The following SRGAP2 variants were observed in gnomAD, a reference collection of about 807,000 sequenced individuals.
SRGAP2 encodes SLIT-ROBO Rho GTPase activating protein 2.
In SRGAP2, 15 loss-of-function variants were observed where a neutral mutation model predicts 57.2. The ratio of observed to expected loss-of-function variants is 0.26; its 90% CI spans 0.18 to 0.40. The LOEUF (loss-of-function observed/expected upper bound fraction) is 0.40. SRGAP2 is among the 10% of genes least tolerant of loss of function. The pLI is 1.00. For synonymous variants in SRGAP2, 249 were observed against 248.0 expected (o/e 1.00, Z -0.04); for missense variants, 520 against 669.6 (o/e 0.78, Z 2.47).
intron 3 of SRGAP2, among the ~76,000 whole-genome samples, chr1:206,340,533 C>A (rs1675106589): frequency 6.6e-6 from 1 of 152,148 alleles, no homozygotes; most frequent in Admixed American, 6.5e-5. Flanking sequence ...CCCAATCCAT[C>A]TTCTCCCTTA....
At chr1:206,375,329 A>G (rs555957786) in intron 4 of SRGAP2, among the ~76,000 whole-genome samples, 1 of 151,274 alleles carries the variant, frequency 6.6e-6, no homozygotes, top group Non-Finnish European at 1.5e-5. Flanking sequence ...TACCATTTCT[A>G]CTCTGTGCTT....
At chr1:206,369,793 T>G (rs1480609546) in intron 4 of SRGAP2, among the ~76,000 whole-genome samples, 1 of 152,186 alleles carries the variant, frequency 6.6e-6, no homozygotes, top group African/African-American at 2.4e-5. Context: ...AGAACCCTCA[T>G]ACATTGCTGG....
chr1:206,285,324 G>A (rs1377103642), intron 2 of SRGAP2, among the ~76,000 whole-genome samples: 1 of 151,972 alleles, frequency 6.6e-6, no homozygotes, highest in Non-Finnish European at 1.5e-5. Context: ...TACTGAGCTT[G>A]TCGCCTACCT....
In SRGAP2 at chr1:206,309,713, C is replaced by T. The variant is rs544550135; in HGVS notation, c.260+6240C>T. 2.6e-5 allele frequency among the ~76,000 whole-genome samples: 4 copies of T among 151,574 alleles called. No homozygotes were observed. In the South Asian group the frequency reaches 8.3e-4, roughly 32 times the overall value. On this transcript the variant is annotated intron_variant, in intron 3 of 22. Transcript: ENST00000573034. ...TGAACGTTTTGGGTGTAGAGCAGTA[C>T]GAGGCCATCAGGTATCCAGGTGGAG...
At chr1:206,242,206 G>T (rs1368320679) in intron 2 of SRGAP2, among the ~76,000 whole-genome samples, 15 of 150,634 alleles carry the variant, frequency 1.0e-4, no homozygotes, top group African/African-American at 3.7e-4. Flanking sequence ...GGTGGTTTGG[G>T]TTTGTCCCCT....
intron 21 of SRGAP2, 93 bp downstream of exon 21, chr1:206,455,117 C>A (rs1663714805): frequency 1.3e-6 from 1 of 771,226 alleles, no homozygotes; most frequent in Non-Finnish European, 2.4e-6. Context: ...TCCTGTGCTG[C>A]ACGTAGGGCT....
intron 3 of SRGAP2, among the ~76,000 whole-genome samples, chr1:206,337,907 G>A (rs1338770387): frequency 4.6e-4 from 69 of 151,634 alleles, no homozygotes; most frequent in Admixed American, 1.4e-3. Context: ...GGATATTTTA[G>A]AGAAATCCCT....
chr1:206,442,419 C>T (rs1662386295), intron 17 of SRGAP2, among the ~76,000 whole-genome samples: 1 of 152,182 alleles, frequency 6.6e-6, no homozygotes, highest in South Asian at 2.1e-4. Flanking sequence ...TACCTGCCCT[C>T]AACATGAGCC....
At chr1:206,278,571 G>A (rs1467422003) in intron 2 of SRGAP2, among the ~76,000 whole-genome samples, 31 of 143,392 alleles carry the variant, frequency 2.2e-4, no homozygotes, top group Non-Finnish European at 3.9e-4. Context: ...TTGTTGCCCA[G>A]GCTGGTCTCA....
chr1:206,324,396 G>A (rs1188968003), intron 3 of SRGAP2, among the ~76,000 whole-genome samples: 33 of 152,208 alleles, frequency 2.2e-4, no homozygotes, highest in South Asian at 4.1e-4. Context: ...TTTTCTAGAC[G>A]TTTATACCCT....
intron 2 of SRGAP2, among the ~76,000 whole-genome samples, chr1:206,290,228 C>CGT (rs1571771451): frequency 6.6e-6 from 1 of 152,188 alleles, no homozygotes; most frequent in East Asian, 1.9e-4. Flanking sequence ...TGTGTGTGTG[C>CGT]ATGTGTGTTG....
chr1:206,281,025 C>T (rs1466032066), intron 2 of SRGAP2, among the ~76,000 whole-genome samples: 1 of 151,474 alleles, frequency 6.6e-6, no homozygotes, highest in Non-Finnish European at 1.5e-5. Flanking sequence ...GAAAGCACAA[C>T]TCATTTCCAT....
chr1:206,267,260 G>A (rs1438129102), intron 2 of SRGAP2, among the ~76,000 whole-genome samples: 5 of 152,174 alleles, frequency 3.3e-5, no homozygotes, highest in African/African-American at 9.7e-5. Context: ...GAGCCACCAC[G>A]CCCGGCCACT....
chr1:206,357,857 G>T (rs1484394540), intron 4 of SRGAP2, among the ~76,000 whole-genome samples: 1 of 143,644 alleles, frequency 7.0e-6, no homozygotes, highest in Non-Finnish European at 1.5e-5. Context: ...CAAAGTGCTG[G>T]GATTTCAGGC....
chr1:206,392,238 A>G (rs2103097908), intron 5 of SRGAP2, among the ~76,000 whole-genome samples: 1 of 125,404 alleles, frequency 8.0e-6, no homozygotes, highest in African/African-American at 3.0e-5. Flanking sequence ...CTGAAAGGTA[A>G]CAGAAAGCAT....
intron 3 of SRGAP2, chr1:206,333,297 C>G: frequency 8.3e-7 from 1 of 1,199,334 alleles, no homozygotes; most frequent in South Asian, 1.2e-5. Context: ...ATTCGGCCAT[C>G]TTGGCTCCTC....
intron 3 of SRGAP2, among the ~76,000 whole-genome samples, chr1:206,311,162 C>G (rs1379163649): frequency 6.6e-6 from 1 of 151,366 alleles, no homozygotes; most frequent in Non-Finnish European, 1.5e-5. Flanking sequence ...CATGGTTATG[C>G]TGAACTGCAA....
Position 206,454,175 on chromosome 1 carries a change from A to G in SRGAP2, c.2361-703A>G, listed in dbSNP as rs782331924. 11 of 702,488 alleles carry G rather than the reference A, an allele frequency of 1.6e-5. No individual in the cohort carries two copies. Among genetic ancestry groups the G allele is most frequent in the Non-Finnish European group, 2.3e-5 (9 of 384,972 alleles). The allele number at this position is 702,488 out of a possible 1,614,324, so 43.5% of individuals were successfully genotyped here. On this transcript the variant is annotated intron_variant, in intron 20 of 22. Coordinates refer to ENST00000573034, the MANE Select transcript of SRGAP2 (RefSeq NM_015326.5). This position sits in a 1 kb window ranked among gnomAD's most constrained non-coding sequence, Gnocchi z 4.3. ...ATCCTGAGTGAGTCTGCACCCTCCC[A>G]GCCTCTTCCCGGCTCGTTCTGCAGG... is the stretch of plus-strand genomic sequence containing the variant.
At chr1:206,353,908 T>G (rs1161044240) in intron 4 of SRGAP2, among the ~76,000 whole-genome samples, 1 of 148,070 alleles carries the variant, frequency 6.8e-6, no homozygotes, top group Non-Finnish European at 1.5e-5. Context: ...CAAGTGATCC[T>G]CCCACCTCAG....
Sources: gnomAD v4.1 joint callset for allele counts (sites outside exome capture counted in the v4.1 genomes callset) on GRCh38, gnomAD v4.1.1 for gene constraint, Gnocchi (gnomAD v3.1) non-coding constraint, MANE v1.5 for transcripts, NCBI Gene and HGNC (gene_info 2026-07-23, HGNC 2026-07-21) for gene names.